Variants in HSF2BP observed in about 807,000 individuals in gnomAD.
HSF2BP encodes heat shock transcription factor 2 binding protein, also known as heat shock factor 2-binding protein.
HSF2BP carries 35 observed loss-of-function variants against 35.0 expected under a neutral mutation model. The observed-to-expected ratio is 1.00, with a 90% CI of 0.76 to 1.32. The LOEUF is 1.32. Among genes scored for constraint, HSF2BP ranks in the 40% most tolerant of loss-of-function variants. HSF2BP has a pLI of 0.00. For synonymous variants in HSF2BP, 114 were observed against 117.4 expected (o/e 0.97, Z 0.18); for missense variants, 326 against 321.7 (o/e 1.01, Z -0.10).
intron 4 of HSF2BP, among the ~76,000 whole-genome samples, chr21:43,636,894 C>CAAAAAAAAAAAAAAAAAAGAAAAAAAAA (rs2082567611): frequency 8.9e-6 from 1 of 112,042 alleles, no homozygotes; most frequent in Non-Finnish European, 1.8e-5. Context: ...CGTCTCAAAA[C>CAAAAAAAAAAAAAAAAAAGAAAAAAAAA]AAAAAAAAAA....
chr21:43,656,809 CTT>C, intron 2 of HSF2BP, 72 bp from the exon 3 acceptor site: 3 of 1,352,798 alleles, frequency 2.2e-6, no homozygotes, highest in Non-Finnish European at 2.1e-6. Context: ...AGTTAACTTG[CTT>C]TTCTTTCACA....
chr21:43,656,779 A>AG (rs1304677111), intron 2 of HSF2BP, 42 bp from the exon 3 acceptor site: 2 of 1,565,558 alleles, frequency 1.3e-6, no homozygotes, highest in Admixed American at 1.9e-5. Flanking sequence ...TCTTCACATG[A>AG]GAAAAAAAAC....
chr21:43,598,148 T>C (rs948464233), intron 7 of HSF2BP, among the ~76,000 whole-genome samples: 1 of 152,130 alleles, frequency 6.6e-6, no homozygotes, highest in Non-Finnish European at 1.5e-5. Flanking sequence ...AGCTAAGGTC[T>C]TCCTTCTCAC....
rs2082505751 is a variant in HSF2BP, at chr21:43,633,229, G to C, written c.441+43C>G. ...AAGCTATATGCTCTAATTTACACAA[G>C]CAGTAATCAACAATATCTGGAGAGC... On this transcript the variant is annotated intron_variant, in intron 5 of 8. Transcript: ENST00000291560. 4 of 1,579,696 alleles carry C rather than the reference G, an allele frequency of 2.5e-6. No homozygotes were observed. The South Asian group carries it at 4.7e-5, about 19-fold the overall frequency.
intron 7 of HSF2BP, among the ~76,000 whole-genome samples, chr21:43,604,378 CACACACACACCACACACACT>C (rs1171967946): frequency 7.3e-6 from 1 of 136,758 alleles, no homozygotes; most frequent in Non-Finnish European, 1.6e-5. Context: ...GCACGCACAC[CACACACACACCACACACACT>C]ACACACACAC....
intron 3 of HSF2BP, among the ~76,000 whole-genome samples, chr21:43,647,135 A>G (rs2082719157): frequency 6.6e-6 from 1 of 152,222 alleles, no homozygotes; most frequent in South Asian, 2.1e-4. Flanking sequence ...AGAATATATT[A>G]CTTTTATATT....
intron 7 of HSF2BP, among the ~76,000 whole-genome samples, chr21:43,601,860 A>G (rs922745638): frequency 1.9e-4 from 29 of 152,212 alleles, no homozygotes; most frequent in African/African-American, 3.4e-4. Flanking sequence ...TTGTAATGCA[A>G]TGTCTTAAAA....
In HSF2BP at chr21:43,636,263, GAAAA is replaced by G. The variant is rs2082556835; in HGVS notation, c.292-2846_292-2843del. Reference sequence around the variant, plus strand: ...GAAAAGAAAAGAAAAGAAAAGAAAAGAAAAGAAAAAACGAAGGGGAAAAAAAGAG... The same window carrying G: ...GAAAAGAAAAGAAAAGAAAAGAAAAGGAAAAAACGAAGGGGAAAAAAAGAG... On this transcript the variant is annotated intron_variant, in intron 4 of 8. Transcript: ENST00000291560. Among the ~76,000 whole-genome samples, 5 of 102,000 alleles carry G rather than the reference GAAAA, an allele frequency of 4.9e-5. No homozygotes were observed. The South Asian group carries it at 1.8e-3, about 38-fold the overall frequency. The allele number at this position is 102,000 out of a possible 152,430, so 66.9% of individuals were successfully genotyped here.
intron 6 of HSF2BP, among the ~76,000 whole-genome samples, chr21:43,627,812 T>G (rs2082407700): frequency 6.6e-6 from 1 of 152,230 alleles, no homozygotes; most frequent in South Asian, 2.1e-4. Context: ...AGCAAGTCTG[T>G]TGGTGCCATT....
At chr21:43,656,539 A>G in intron 3 of HSF2BP, 48 bp downstream of exon 3, 1 of 1,553,830 alleles carries the variant, frequency 6.4e-7, no homozygotes, top group Non-Finnish European at 8.8e-7. Flanking sequence ...TAAATCTGCT[A>G]GAACAAATTA....
At chr21:43,637,280 A>G (rs1461157688) in intron 4 of HSF2BP, among the ~76,000 whole-genome samples, 1 of 152,202 alleles carries the variant, frequency 6.6e-6, no homozygotes, top group African/African-American at 2.4e-5. Flanking sequence ...AACCTTCAAA[A>G]CATTATGCCA....
chr21:43,587,500 T>C (rs2081867505), intron 8 of HSF2BP, among the ~76,000 whole-genome samples: 1 of 151,908 alleles, frequency 6.6e-6, no homozygotes, highest in South Asian at 2.1e-4. Context: ...ACCGCATCTC[T>C]ATTAAAAATA....
chr21:43,642,271 G>A (rs1568937093), intron 4 of HSF2BP, among the ~76,000 whole-genome samples: 1 of 152,156 alleles, frequency 6.6e-6, no homozygotes, highest in African/African-American at 2.4e-5. Flanking sequence ...GGCCAAGGAG[G>A]AGGATCGCTT....
chr21:43,624,510 T>C (rs1462095928), intron 6 of HSF2BP, among the ~76,000 whole-genome samples: 5 of 152,122 alleles, frequency 3.3e-5, no homozygotes, highest in Non-Finnish European at 5.9e-5. Flanking sequence ...ACTGCCTCCA[T>C]GTGTTGGTGT....
chr21:43,577,061 G>A (rs2081653158), intron 8 of HSF2BP, among the ~76,000 whole-genome samples: 1 of 152,218 alleles, frequency 6.6e-6, no homozygotes, highest in East Asian at 1.9e-4. Flanking sequence ...GGTGGTCAAG[G>A]AGCTTGCCCC....
intron 8 of HSF2BP, among the ~76,000 whole-genome samples, chr21:43,573,591 G>A (rs1422058485): frequency 1.3e-5 from 2 of 152,198 alleles, no homozygotes; most frequent in Non-Finnish European, 2.9e-5. Flanking sequence ...ATCAAACACT[G>A]CTGCTTCCCC....
intron 8 of HSF2BP, among the ~76,000 whole-genome samples, chr21:43,589,217 G>T (rs2081895703): frequency 6.6e-6 from 1 of 151,990 alleles, no homozygotes; most frequent in African/African-American, 2.4e-5. Flanking sequence ...TACCCTTTTT[G>T]CTCTGGAAGG....
chr21:43,630,542 T>C, intron 5 of HSF2BP, 88 bp from the exon 6 acceptor site: 2 of 1,408,466 alleles, frequency 1.4e-6, no homozygotes, highest in Non-Finnish European at 1.9e-6. Flanking sequence ...AAGATTCTAG[T>C]TTTAATTGTA....
Position 43,617,349 on chromosome 21 carries a change from A to G in HSF2BP, c.575-3402T>C, listed in dbSNP as rs554140194. Among the ~76,000 whole-genome samples the G allele has an allele frequency of 2.0e-5, 3 of 152,158 alleles. No homozygotes were observed. In the East Asian group the frequency reaches 5.8e-4, roughly 29 times the overall value. ...TTTTAACTGCAAATGCCAATGCTGCATTTCATTAAATATCACTAAAACATG... is the reference window on the plus strand; with the variant it reads ...TTTTAACTGCAAATGCCAATGCTGCGTTTCATTAAATATCACTAAAACATG... On this transcript the variant is annotated intron_variant, in intron 6 of 8. Transcript: ENST00000291560.
Sources: gnomAD v4.1 joint callset for allele counts (sites outside exome capture counted in the v4.1 genomes callset) on GRCh38, gnomAD v4.1.1 for gene constraint, MANE v1.5 for transcripts, NCBI Gene and HGNC (gene_info 2026-07-23, HGNC 2026-07-21) for gene names.